AGMO: variants seen among roughly 807,000 people sequenced by gnomAD.
AGMO encodes the protein glyceryl-ether monooxygenase.
AGMO carries 75 observed loss-of-function variants against 60.2 expected under a neutral mutation model. The ratio of observed to expected loss-of-function variants is 1.25; its 90% confidence interval spans 1.03 to 1.51. The LOEUF is 1.51. Among genes scored for constraint, AGMO ranks in the 40% most tolerant of loss-of-function variants. AGMO has a pLI of 0.00. For synonymous variants in AGMO, 261 were observed against 177.1 expected, an observed-to-expected ratio of 1.47 and a Z score of -3.76; for missense variants, 763 against 525.5, an observed-to-expected ratio of 1.45 and a Z score of -4.42.
rs189375110 is a variant in AGMO at position 15,561,921 on chromosome 7, C to T, written c.-76G>A. On this transcript the variant is annotated 5_prime_UTR_variant, in exon 1 of 13. Coordinates refer to ENST00000342526, the MANE Select transcript of AGMO (RefSeq NM_001004320.2). ...GAAGCCTGAGGCTGAACAAAGAGGA[C>T]GAGATGTGCAGCTCAGAACAAGCTC... 2.4e-5 allele frequency: 35 copies of T among 1,465,450 alleles called. No individual in the cohort carries two copies. The highest frequency in any genetic ancestry group is 1.5e-4 in the Admixed American group (7 of 47,010). 90.8% of individuals were successfully genotyped at this position (1,465,450 alleles called of 1,614,324 possible).
chr7:15,341,766 G>A (rs141313248), intron 12 of AGMO, among the ~76,000 whole-genome samples: 286 of 152,174 alleles, frequency 1.9e-3, no homozygotes, highest in Non-Finnish European at 3.1e-3. Flanking sequence ...ACATGACTGG[G>A]GAGGCCTCAC....
chr7:15,426,544 T>C (rs1394716548), intron 4 of AGMO, among the ~76,000 whole-genome samples: 1 of 152,042 alleles, frequency 6.6e-6, no homozygotes, highest in Non-Finnish European at 1.5e-5. Flanking sequence ...AGGCCAGCAG[T>C]TGAAGTCCAG....
At chr7:15,148,234 G>T in the AGMO span, among the ~76,000 whole-genome samples, 3 of 151,868 alleles carry the variant, frequency 2.0e-5, no homozygotes, top group Non-Finnish European at 4.4e-5. Context: ...TTGTTAGTTA[G>T]TGGTAAATCT....
chr7:15,375,485 C>T (rs1305900893), intron 10 of AGMO, among the ~76,000 whole-genome samples: 1 of 143,930 alleles, frequency 6.9e-6, no homozygotes, highest in Non-Finnish European at 1.5e-5. Context: ...CAACCTCTAA[C>T]TCCTGGGTTC....
intron 6 of AGMO, among the ~76,000 whole-genome samples, chr7:15,391,519 GACAT>G (rs997386951): frequency 1.3e-5 from 2 of 152,038 alleles, no homozygotes; most frequent in African/African-American, 4.8e-5. Flanking sequence ...AACTTAAGTA[GACAT>G]AATGATATCC....
At chr7:15,308,038 A>T (rs1183657871) in intron 12 of AGMO, among the ~76,000 whole-genome samples, 2 of 152,052 alleles carry the variant, frequency 1.3e-5, no homozygotes, top group Non-Finnish European at 2.9e-5. Flanking sequence ...CAATACCTCC[A>T]GGCTTGCTGG....
At chr7:15,438,807 GT>G (rs1482619147) in intron 3 of AGMO, among the ~76,000 whole-genome samples, 1 of 152,178 alleles carries the variant, frequency 6.6e-6, no homozygotes, top group African/African-American at 2.4e-5. Flanking sequence ...AATATTCATT[GT>G]GCTAATTCAC....
chr7:15,325,628 A>G (rs1781314060), intron 12 of AGMO, among the ~76,000 whole-genome samples: 1 of 152,178 alleles, frequency 6.6e-6, no homozygotes, highest in East Asian at 1.9e-4. Context: ...TGGTTGAAAC[A>G]GAAAAAATAA....
At chr7:15,353,457 A>G (rs1212553816) in intron 12 of AGMO, among the ~76,000 whole-genome samples, 1 of 152,192 alleles carries the variant, frequency 6.6e-6, no homozygotes, top group East Asian at 1.9e-4. Flanking sequence ...GTTTGCTCTT[A>G]GTTGATCTAC....
chr7:15,227,966 A>G (rs1432877446), intron 12 of AGMO, among the ~76,000 whole-genome samples: 1 of 152,072 alleles, frequency 6.6e-6, no homozygotes, highest in Non-Finnish European at 1.5e-5. Flanking sequence ...ATCCCCTTTT[A>G]CACAGTAAGA....
At chr7:15,196,041 C>A (rs545151860), downstream of AGMO, among the ~76,000 whole-genome samples, 1 of 151,568 alleles carries the variant, frequency 6.6e-6, no homozygotes, top group African/African-American at 2.4e-5. Context: ...CCCTCCTCTC[C>A]CCTCCCCTCT....
intron 10 of AGMO, among the ~76,000 whole-genome samples, chr7:15,384,470 A>C (rs1020776093): frequency 1.3e-5 from 2 of 152,070 alleles, no homozygotes; most frequent in Non-Finnish European, 2.9e-5. Flanking sequence ...CATTTTAATA[A>C]TTACATTTTT....
chr7:15,529,647 C>CAGAATATATATATACTA (rs1554283103), intron 3 of AGMO, among the ~76,000 whole-genome samples: 1 of 7,424 alleles, frequency 1.3e-4, no homozygotes, highest in Non-Finnish European at 2.8e-4. Flanking sequence ...TATATATATA[C>CAGAATATATATATACTA]TATATATTCT....
rs535119585 is a variant in AGMO at position 15,372,965 on chromosome 7, A to C, written c.1075-6743T>G. Among the ~76,000 whole-genome samples, 29 of 152,176 alleles carry C rather than the reference A, an allele frequency of 1.9e-4. 1 individual carries two copies. The highest frequency in any genetic ancestry group is 7.9e-4 in the Admixed American group (12 of 15,274). On this transcript the variant is annotated intron_variant, in intron 10 of 12. Transcript: ENST00000342526. The stretch of plus-strand genomic sequence containing the variant: ...AATAAATTATTTTTCCTTTTTAAAA[A>C]TTATCTGTCAAGTTTCACTACTGTG...
downstream of AGMO, among the ~76,000 whole-genome samples, chr7:15,199,027 T>C (rs1781205408): frequency 6.6e-6 from 1 of 152,182 alleles, no homozygotes; most frequent in Non-Finnish European, 1.5e-5. Flanking sequence ...GCCGTTATCA[T>C]TTTTGTTTCA....
At chr7:15,366,711 G>C (rs1251362399) in intron 10 of AGMO, among the ~76,000 whole-genome samples, 1 of 151,950 alleles carries the variant, frequency 6.6e-6, no homozygotes, top group Non-Finnish European at 1.5e-5. Flanking sequence ...ACTCATATTT[G>C]ATTCAATCTA....
At chr7:15,398,278 T>G (rs1230529503) in intron 5 of AGMO, among the ~76,000 whole-genome samples, 2 of 152,212 alleles carry the variant, frequency 1.3e-5, no homozygotes, top group African/African-American at 2.4e-5. Flanking sequence ...GCACTATTTT[T>G]TTTTAATGTC....
chr7:15,337,379 G>C, intron 12 of AGMO, among the ~76,000 whole-genome samples: 1 of 152,128 alleles, frequency 6.6e-6, no homozygotes, highest in Non-Finnish European at 1.5e-5. Context: ...AGACAGTAGG[G>C]AAGGGGACAG....
intron 3 of AGMO, among the ~76,000 whole-genome samples, chr7:15,510,333 GT>G (rs559007780): frequency 6.6e-6 from 1 of 151,490 alleles, no homozygotes; most frequent in South Asian, 2.1e-4. Context: ...GCCTAGCTAA[GT>G]TTTTTTTGTT....
Sources: gnomAD v4.1 joint callset for allele counts (sites outside exome capture counted in the v4.1 genomes callset) on GRCh38, gnomAD v4.1.1 for gene constraint, MANE v1.5 for transcripts, NCBI Gene and HGNC (gene_info 2026-07-23, HGNC 2026-07-21) for gene names.